Variants in ARID2 observed in about 807,000 individuals in gnomAD.
ARID2 encodes AT-rich interaction domain 2.
In ARID2, 32 loss-of-function variants were observed where a neutral mutation model predicts 184.6. The observed-to-expected ratio is 0.17, with a 90% CI of 0.13 to 0.23. The LOEUF (loss-of-function observed/expected upper bound fraction) is 0.23. Ranked by LOEUF, ARID2 falls within the 10% of genes least tolerant of loss-of-function variation. The pLI, the probability that ARID2 is intolerant of heterozygous loss-of-function variation, is 1.00. For missense variants in ARID2, 1,696 were observed against 2,197.6 expected (o/e 0.77, Z 4.56); for synonymous variants, 836 against 772.6 (o/e 1.08, Z -1.36).
chr12:45,803,957 A>G (rs1022968935), intron 3 of ARID2, among the ~76,000 whole-genome samples: 7 of 152,220 alleles, frequency 4.6e-5, no homozygotes, highest in Non-Finnish European at 8.8e-5. Flanking sequence ...TCTCTTATGC[A>G]TTCCACTTTG....
chr12:45,899,990 A>G (rs1299286073), intron 20 of ARID2, among the ~76,000 whole-genome samples: 1 of 151,986 alleles, frequency 6.6e-6, no homozygotes, highest in East Asian at 1.9e-4. Flanking sequence ...CGTTGATTAA[A>G]TCTTAAATCA....
intron 13 of ARID2, 33 bp from the exon 14 acceptor site, chr12:45,849,547 T>C (rs1311753901): frequency 1.3e-6 from 2 of 1,550,874 alleles, no homozygotes; most frequent in Non-Finnish European, 1.8e-6. Context: ...GTGATAGTTA[T>C]CAAAACTTAC....
At chr12:45,772,790 T>G (rs1329054447) in intron 3 of ARID2, among the ~76,000 whole-genome samples, 2 of 152,074 alleles carry the variant, frequency 1.3e-5, no homozygotes, top group African/African-American at 4.8e-5. Context: ...AAGAGGCAAT[T>G]TAAAAATAAT....
intron 3 of ARID2, among the ~76,000 whole-genome samples, chr12:45,796,079 C>T (rs1310993333): frequency 6.6e-6 from 1 of 151,522 alleles, no homozygotes; most frequent in East Asian, 1.9e-4. Flanking sequence ...ACCACTTTCT[C>T]TACCACTTAA....
At chr12:45,860,620 C>A (rs1033083418) in intron 15 of ARID2, among the ~76,000 whole-genome samples, 181 bp from the exon 16 acceptor site, 1 of 151,660 alleles carries the variant, frequency 6.6e-6, no homozygotes, top group Admixed American at 6.6e-5. Flanking sequence ...AATAAACTTT[C>A]TAAATATTTC....
In ARID2 at chr12:45,837,008, A is replaced by G; in HGVS notation, c.1023+17A>G. 1.2e-6 allele frequency: 2 copies of G among 1,600,522 alleles called. No homozygotes were observed. Among genetic ancestry groups the G allele is most frequent in the Non-Finnish European group, 1.7e-6 (2 of 1,175,848 alleles). On this transcript the variant is annotated intron_variant, in intron 8 of 20. Coordinates refer to ENST00000334344, the MANE Select transcript of ARID2 (RefSeq NM_152641.4). ...GCAGCTGAGGTAAGCATGTGACTGT[A>G]CCTTAAACTAGTTTTTATAGTTAGC... is the stretch of plus-strand genomic sequence containing the variant.
At chr12:45,751,640 C>G (rs1203831974) in intron 3 of ARID2, among the ~76,000 whole-genome samples, 1 of 152,178 alleles carries the variant, frequency 6.6e-6, no homozygotes, top group Non-Finnish European at 1.5e-5. Flanking sequence ...ATTGTTTGAA[C>G]AACGTAGAGT....
At chr12:45,893,339 G>A (rs1460891000) in intron 18 of ARID2, 81 bp from the exon 19 acceptor site, 2 of 1,489,554 alleles carry the variant, frequency 1.3e-6, no homozygotes, top group Admixed American at 4.5e-5. Context: ...GCTTAAAGGG[G>A]TTGGCAGGGT....
Position 45,837,750 on chromosome 12 carries a change from A to C in ARID2, c.1330+43A>C, listed in dbSNP as rs367875174. On this transcript the variant is annotated intron_variant, in intron 10 of 20. Transcript: ENST00000334344. ...AACACTTATTTTCTTTATTGAGTAA[A>C]AGTGTTTAATATGGTACTGTACAAA... 306 of 1,578,944 alleles carry C rather than the reference A, an allele frequency of 1.9e-4. 2 individuals are homozygous for C. Among genetic ancestry groups the C allele is most frequent in the Non-Finnish European group, 4.2e-5 (48 of 1,151,272 alleles).
intron 3 of ARID2, among the ~76,000 whole-genome samples, chr12:45,778,234 T>G (rs1942023961): frequency 6.6e-6 from 1 of 152,010 alleles, no homozygotes; most frequent in Admixed American, 6.6e-5. Flanking sequence ...AAAGCCCAGT[T>G]TATATGTGTT....
At chr12:45,786,899 A>T (rs1178925403) in intron 3 of ARID2, among the ~76,000 whole-genome samples, 1 of 152,200 alleles carries the variant, frequency 6.6e-6, no homozygotes, top group Admixed American at 6.5e-5. Flanking sequence ...AAACACAAAT[A>T]CTGCATGAGC....
At chr12:45,898,190 TATATGGTATG>T (rs1944395121) in intron 20 of ARID2, among the ~76,000 whole-genome samples, 1 of 152,026 alleles carries the variant, frequency 6.6e-6, no homozygotes, top group Non-Finnish European at 1.5e-5. Flanking sequence ...AAAGGACAAA[TATATGGTATG>T]ATTTCACTTA....
At chr12:45,899,270 C>CAA (rs774912363) in intron 20 of ARID2, among the ~76,000 whole-genome samples, 13 of 46,324 alleles carry the variant, frequency 2.8e-4, no homozygotes, top group East Asian at 1.5e-3. Context: ...GACTCTGTCT[C>CAA]AAAAAAAAAA....
chr12:45,826,073 T>A (rs1183098581), intron 6 of ARID2, among the ~76,000 whole-genome samples: 1 of 152,108 alleles, frequency 6.6e-6, no homozygotes, highest in Non-Finnish European at 1.5e-5. Flanking sequence ...GTTAGGCATT[T>A]AGCATCAATG....
chr12:45,748,384 T>C (rs1386156903), intron 3 of ARID2, among the ~76,000 whole-genome samples: 2 of 152,152 alleles, frequency 1.3e-5, no homozygotes, highest in Non-Finnish European at 2.9e-5. Flanking sequence ...AATAGAATGA[T>C]ACCTTGTCTC....
intron 3 of ARID2, among the ~76,000 whole-genome samples, chr12:45,764,546 A>G (rs892987084): frequency 1.2e-4 from 19 of 152,192 alleles, no homozygotes; most frequent in African/African-American, 4.1e-4. Flanking sequence ...GTCTCTGGCA[A>G]CCGCTAATCT....
At position 45,850,061 on chromosome 12, in the gene ARID2, A is replaced by G. The variant is rs182134493; in HGVS notation, c.1938A>G (p.Ile646Met). The change falls in exon 15 of 21, where the codon ATA becomes ATG. Residue 646 changes from isoleucine (I) to methionine (M), a missense_variant. By Grantham distance (10) the Ile-to-Met change is conservative. Around this residue, in one of 11 missense-constraint regions of ARID2, gnomAD observed 713 missense variants for 824.4 expected, o/e 0.86. Transcript: ENST00000334344. ...PAGIPHGSQT[I>M]GNHFQRTPVA... Reference sequence around the variant, plus strand: ...GAATCCCTCATGGATCACAAACCATAGGAAACCATTTTCAGAGGACTCCTG... The same window carrying G: ...GAATCCCTCATGGATCACAAACCATGGGAAACCATTTTCAGAGGACTCCTG... The G allele has an allele frequency of 6.2e-7, 1 of 1,613,572 alleles. No homozygotes were observed. Among genetic ancestry groups the G allele is most frequent in the Non-Finnish European group, 8.5e-7 (1 of 1,179,672 alleles).
intron 19 of ARID2, 37 bp from the exon 20 acceptor site, chr12:45,893,592 AT>A (rs756645862): frequency 5.6e-6 from 9 of 1,604,498 alleles, no homozygotes; most frequent in Non-Finnish European, 7.6e-6. Flanking sequence ...GTCCTGTATG[AT>A]TTAGATCTTT....
chr12:45,800,706 G>A (rs1470541832), intron 3 of ARID2, among the ~76,000 whole-genome samples: 2 of 151,932 alleles, frequency 1.3e-5, no homozygotes, highest in East Asian at 1.9e-4. Flanking sequence ...GGGAAAATAC[G>A]AGATAAGCCT....
Sources: allele counts gnomAD v4.1 joint callset (sites outside exome capture counted in the v4.1 genomes callset), GRCh38; gene constraint gnomAD v4.1.1; regional missense constraint gnomAD v4.1.1; transcripts MANE v1.5; gene names NCBI Gene and HGNC (gene_info 2026-07-23, HGNC 2026-07-21).